Variants in NME8 observed in about 807,000 individuals in gnomAD.
NME8 encodes the protein protein NME8.
In NME8, 72 loss-of-function variants were observed where a neutral mutation model predicts 82.3. The observed-to-expected ratio is 0.87, with a 90% confidence interval of 0.72 to 1.06. The LOEUF is 1.06. Ranked by LOEUF, NME8 falls within the 50% of genes least tolerant of loss-of-function variation. The pLI is 0.00. For missense variants in NME8, 712 were observed against 685.4 expected (o/e 1.04, Z -0.43); for synonymous variants, 267 against 228.5 (o/e 1.17, Z -1.52).
In NME8 at chr7:37,850,392, T is replaced by C; in HGVS notation, c.48T>C (p.Asn16=). The C allele has an allele frequency of 6.2e-7, 1 of 1,614,130 alleles. No homozygotes were observed. Among genetic ancestry groups the C allele is most frequent in the East Asian group, 2.2e-5 (1 of 44,874 alleles). Residue 16 remains asparagine, a synonymous_variant, in exon 4 of 18, where the codon AAT becomes AAC. Transcript: ENST00000199447. ...REVQLQTVIN[N]QSLWDEMLQN... is the part of the protein sequence containing the mutation. ...CCACTTTGCAGACAGTCATCAATAATCAAAGCCTGTGGGATGAGATGTTGC... is the reference window on the plus strand; with the variant it reads ...CCACTTTGCAGACAGTCATCAATAACCAAAGCCTGTGGGATGAGATGTTGC...
intron 6 of NME8, among the ~76,000 whole-genome samples, 190 bp downstream of exon 6, chr7:37,857,535 A>G (rs943373800): frequency 2.6e-5 from 4 of 152,198 alleles, no homozygotes; most frequent in African/African-American, 9.7e-5. Context: ...TGAAGGGATT[A>G]GATGATGACA....
In NME8 at chr7:37,862,160, A is replaced by C. The variant is rs1456014799; in HGVS notation, c.387+16A>C. 5 of 1,516,744 alleles carry C rather than the reference A, an allele frequency of 3.3e-6. No homozygotes were observed. In the Admixed American group the frequency reaches 8.4e-5, roughly 25 times the overall value. 94.0% of individuals were successfully genotyped at this position (1,516,744 alleles called of 1,614,324 possible). On this transcript the variant is annotated intron_variant, in intron 7 of 17. Transcript: ENST00000199447. ...TCGACCTCAGGTAATACTTTGGATT[A>C]ACAACAGTTTGAAGACAAGCTTATC...
chr7:37,891,390 G>A (rs941053263), intron 15 of NME8, among the ~76,000 whole-genome samples: 4 of 151,736 alleles, frequency 2.6e-5, no homozygotes, highest in Non-Finnish European at 5.9e-5. Flanking sequence ...TTTTCTTCTA[G>A]TAGTTTTGTT....
At position 37,862,134 on chromosome 7, in the gene NME8, C is replaced by T. The variant is rs1301137299; in HGVS notation, c.377C>T (p.Ala126Val). ...EERKIAAGEMARPQYPEIPLV... is the reference protein window; with the variant it reads ...EERKIAAGEMVRPQYPEIPLV... ...AGAAAAATTGCAGCAGGTGAAATGG[C>T]TCGACCTCAGGTAATACTTTGGATT... Residue 126 changes from alanine to valine, a missense_variant, in exon 7 of 18, where the codon GCT (alanine) becomes GTT (valine). Physicochemically the swap from Ala to Val is moderately conservative, Grantham distance 64. Coordinates refer to ENST00000199447, the MANE Select transcript of NME8 (RefSeq NM_016616.5). The T allele has an allele frequency of 5.0e-6, 8 of 1,604,794 alleles. No individual in the cohort carries two copies. In the South Asian group the frequency reaches 8.8e-5, roughly 18 times the overall value.
chr7:37,865,660 C>A, intron 10 of NME8, 43 bp downstream of exon 10: 1 of 1,277,440 alleles, frequency 7.8e-7, no homozygotes. Flanking sequence ...TGTTTAAATA[C>A]AGTGGCCTCC....
Position 37,894,674 on chromosome 7 carries a change from GA to G in NME8, c.1544+69del, listed in dbSNP as rs1256859459. On this transcript the variant is annotated intron_variant, in intron 16 of 17. Transcript: ENST00000199447. Reference sequence around the variant, plus strand: ...GGTAAATGTTCATTATAGAAACTTTGAAAAATGCAAAAATTAATTAAAACAT... The same window carrying G: ...GGTAAATGTTCATTATAGAAACTTTGAAAATGCAAAAATTAATTAAAACAT... The G allele has an allele frequency of 1.9e-5, 27 of 1,387,320 alleles. No homozygotes were observed. The African/African-American group carries it at 3.7e-4, about 19-fold the overall frequency. 85.9% of individuals were successfully genotyped at this position (1,387,320 alleles called of 1,614,324 possible).
intron 16 of NME8, 76 bp from the exon 17 acceptor site, chr7:37,896,794 G>A (rs894666908): frequency 8.0e-7 from 1 of 1,244,056 alleles, no homozygotes. Flanking sequence ...AGGCTGCAGT[G>A]TTCTGTCTTT....
At chr7:37,880,307 T>C (rs2722338) in intron 12 of NME8, among the ~76,000 whole-genome samples, 71,040 of 152,008 alleles carry the variant, frequency 0.47, 17,037 homozygotes, top group East Asian at 0.74. Context: ...TTCTGTGTTA[T>C]TCTCTAGAAA....
intron 5 of NME8, among the ~76,000 whole-genome samples, chr7:37,851,975 A>G (rs1317646937): frequency 6.6e-6 from 1 of 152,012 alleles, no homozygotes; most frequent in Non-Finnish European, 1.5e-5. Flanking sequence ...TTTCCATAGG[A>G]CTTATTTTCC....
intron 15 of NME8, among the ~76,000 whole-genome samples, chr7:37,890,840 A>T (rs1001896928): frequency 3.3e-5 from 5 of 151,964 alleles, no homozygotes; most frequent in African/African-American, 1.2e-4. Context: ...TTTGTTGATA[A>T]TAAATAGGTT....
chr7:37,875,161 A>G (rs1332027492), intron 11 of NME8, among the ~76,000 whole-genome samples: 6 of 152,210 alleles, frequency 3.9e-5, no homozygotes, highest in Non-Finnish European at 7.3e-5. Context: ...CATGAAAGAC[A>G]AAAGAGGTTG....
At chr7:37,862,176 C>T in intron 7 of NME8, 32 bp downstream of exon 7, 2 of 1,403,896 alleles carry the variant, frequency 1.4e-6, no homozygotes, top group Non-Finnish European at 2.0e-6. Context: ...AGTTTGAAGA[C>T]AAGCTTATCA....
At chr7:37,857,633 A>G (rs1014022259) in intron 6 of NME8, among the ~76,000 whole-genome samples, 4 of 152,232 alleles carry the variant, frequency 2.6e-5, no homozygotes, top group African/African-American at 9.6e-5. Flanking sequence ...AATTTTTTAC[A>G]GGAGTAAAAC....
intron 11 of NME8, among the ~76,000 whole-genome samples, chr7:37,870,609 G>T (rs1195590248): frequency 2.2e-5 from 3 of 138,004 alleles, no homozygotes; most frequent in African/African-American, 8.3e-5. Context: ...AAAAAAAAAA[G>T]TTTACCAATT....
chr7:37,884,042 A>G (rs1303781502), intron 12 of NME8, among the ~76,000 whole-genome samples: 2 of 151,900 alleles, frequency 1.3e-5, no homozygotes, highest in African/African-American at 2.4e-5. Context: ...TTAATGAGAT[A>G]CCTGTGTGTG....
intron 15 of NME8, among the ~76,000 whole-genome samples, chr7:37,889,213 A>C (rs1785091960): frequency 6.6e-6 from 1 of 151,970 alleles, no homozygotes; most frequent in South Asian, 2.1e-4. Context: ...TGTAATTTGT[A>C]AAGTAATTTC....
intron 12 of NME8, among the ~76,000 whole-genome samples, chr7:37,883,301 A>T (rs1458547093): frequency 2.6e-5 from 4 of 152,234 alleles, no homozygotes; most frequent in African/African-American, 4.8e-5. Context: ...TTAGTAATTT[A>T]AAAAAAACTT....
At chr7:37,863,200 C>G (rs1035977079) in intron 7 of NME8, among the ~76,000 whole-genome samples, 196 bp from the exon 8 acceptor site, 2 of 152,126 alleles carry the variant, frequency 1.3e-5, no homozygotes, top group Non-Finnish European at 2.9e-5. Context: ...CCTGCCCCTT[C>G]CATTTTAAAA....
intron 5 of NME8, among the ~76,000 whole-genome samples, chr7:37,853,450 T>G (rs921116693): frequency 3.9e-5 from 6 of 152,144 alleles, no homozygotes; most frequent in African/African-American, 1.4e-4. Flanking sequence ...TAAAGGAGAT[T>G]GCCACATGCA....
Sources: gnomAD v4.1 joint callset for allele counts (sites outside exome capture counted in the v4.1 genomes callset) on GRCh38, gnomAD v4.1.1 for gene constraint, MANE v1.5 for transcripts, NCBI Gene and HGNC (gene_info 2026-07-23, HGNC 2026-07-21) for gene names.